Variants in GALNT14 observed in about 807,000 individuals in gnomAD.
The protein encoded by GALNT14 is UDP-GalNAc:polypeptide N-acetylgalactosaminyltransferase 14.
Under a neutral mutation model 77.5 loss-of-function variants are expected in GALNT14, and 60 were observed. The observed-to-expected ratio is 0.77, with a 90% CI of 0.63 to 0.96. The LOEUF is 0.96. Ranked by LOEUF, GALNT14 falls within the 40% of genes least tolerant of loss-of-function variation. The pLI, the probability that GALNT14 is intolerant of heterozygous loss-of-function variation, is 0.00. For synonymous variants in GALNT14, 280 were observed against 281.7 expected, an observed-to-expected ratio of 0.99 and a Z score of 0.06; for missense variants, 710 against 731.0, an observed-to-expected ratio of 0.97 and a Z score of 0.33.
At chr2:31,126,891 C>G (rs544807576) in intron 1 of GALNT14, 1 of 152,080 alleles carries the variant, frequency 6.6e-6, no homozygotes, top group African/African-American at 2.4e-5. Flanking sequence ...GGGAGTAAGA[C>G]GTGGGTAACT....
intron 2 of GALNT14, among the ~76,000 whole-genome samples, chr2:30,990,577 C>G (rs138602928): frequency 3.0e-4 from 46 of 152,348 alleles, no homozygotes; most frequent in Non-Finnish European, 4.6e-4. Context: ...AGGGTGACAC[C>G]AGTATGGTGA....
intron 1 of GALNT14, among the ~76,000 whole-genome samples, chr2:31,005,289 A>G (rs1261810679): frequency 6.6e-6 from 1 of 152,226 alleles, no homozygotes; most frequent in Non-Finnish European, 1.5e-5. Context: ...TGGGGAGTGG[A>G]GATGGGCTAA....
Position 30,955,729 on chromosome 2 carries a change from C to A in GALNT14, c.543G>T (p.Arg181=), listed in dbSNP as rs773106126. 3.3e-5 allele frequency: 53 copies of A among 1,613,980 alleles called. No individual in the cohort carries two copies. Among genetic ancestry groups the A allele is most frequent in the Non-Finnish European group, 4.3e-5 (51 of 1,180,018 alleles). ...LRNNERQGLV[R]SRIRGADIAQ... is the part of the protein sequence containing the mutation. ...CGATGTCAGCGCCCCGAATCCGGGA[C>A]CGGACCAGACCTGCAGTCAGGAACA... Residue 181 remains arginine (R), a synonymous_variant, in exon 6 of 15, where the codon CGG becomes CGT. Coordinates refer to ENST00000349752, the MANE Select transcript of GALNT14 (RefSeq NM_024572.4).
the GALNT14 span, among the ~76,000 whole-genome samples, chr2:30,904,998 G>T: frequency 1.9e-4 from 29 of 152,184 alleles, no homozygotes; most frequent in African/African-American, 5.8e-4. Context: ...GCAGCTGAGG[G>T]TCCTGTCTGT....
chr2:30,943,514 C>T (rs552159273), intron 8 of GALNT14, among the ~76,000 whole-genome samples: 1 of 152,262 alleles, frequency 6.6e-6, no homozygotes, highest in South Asian at 2.1e-4. Context: ...AACAAGTGCC[C>T]TCTGATGAGC....
At chr2:30,925,023 C>A (rs138595616) in intron 11 of GALNT14, among the ~76,000 whole-genome samples, 200 bp from the exon 12 acceptor site, 8 of 152,330 alleles carry the variant, frequency 5.3e-5, no homozygotes, top group Non-Finnish European at 1.0e-4. Context: ...AAACACTTAG[C>A]AATATCTCAC....
At chr2:30,987,710 TCCCCCTCCTC>T (rs1166943240) in intron 2 of GALNT14, among the ~76,000 whole-genome samples, 36 of 11,652 alleles carry the variant, frequency 3.1e-3, no homozygotes, top group African/African-American at 0.015. Flanking sequence ...TCCTCCTCCC[TCCCCCTCCTC>T]CCCCTCCTCC....
intron 1 of GALNT14, among the ~76,000 whole-genome samples, chr2:31,027,127 C>T (rs1024989982): frequency 3.9e-5 from 6 of 152,214 alleles, no homozygotes; most frequent in Admixed American, 3.3e-4. Flanking sequence ...CAGGCCCTTG[C>T]ATGAGTGTTA....
At chr2:31,086,160 C>T (rs550657542) in intron 1 of GALNT14, among the ~76,000 whole-genome samples, 1 of 152,340 alleles carries the variant, frequency 6.6e-6, no homozygotes, top group African/African-American at 2.4e-5. Flanking sequence ...GGCCATTAGG[C>T]CTTCACTACA....
chr2:31,091,631 C>T (rs1346145376), intron 1 of GALNT14, among the ~76,000 whole-genome samples: 2 of 152,172 alleles, frequency 1.3e-5, no homozygotes, highest in Non-Finnish European at 2.9e-5. Context: ...TATCACAGTT[C>T]TGGAACCTGA....
intron 1 of GALNT14, among the ~76,000 whole-genome samples, chr2:31,116,354 G>T (rs997031790): frequency 6.6e-5 from 10 of 151,930 alleles, no homozygotes; most frequent in Admixed American, 3.9e-4. Flanking sequence ...TTATCAGATT[G>T]TATTGAAAAA....
chr2:30,897,922 C>G, the GALNT14 span, among the ~76,000 whole-genome samples: 7 of 152,168 alleles, frequency 4.6e-5, no homozygotes, highest in African/African-American at 1.7e-4. Context: ...GACTCCATGC[C>G]CCAGGCAACC....
intron 1 of GALNT14, among the ~76,000 whole-genome samples, chr2:31,071,128 A>C (rs761884399): frequency 6.6e-6 from 1 of 152,220 alleles, no homozygotes; most frequent in Non-Finnish European, 1.5e-5. Context: ...AAGGGATAAA[A>C]GACTACAAAC....
At chr2:31,097,988 A>G (rs1677083949) in intron 1 of GALNT14, among the ~76,000 whole-genome samples, 3 of 152,108 alleles carry the variant, frequency 2.0e-5, no homozygotes, top group Non-Finnish European at 4.4e-5. Flanking sequence ...CACCTCCACC[A>G]TTTTGTGCCC....
At chr2:31,046,036 T>A (rs908160566) in intron 1 of GALNT14, among the ~76,000 whole-genome samples, 1 of 152,214 alleles carries the variant, frequency 6.6e-6, no homozygotes, top group Non-Finnish European at 1.5e-5. Context: ...GAACAAGTTA[T>A]GAGCAGCCAT....
intron 9 of GALNT14, among the ~76,000 whole-genome samples, chr2:30,933,382 G>C (rs1192064499): frequency 6.6e-6 from 1 of 152,138 alleles, no homozygotes; most frequent in Admixed American, 6.5e-5. Context: ...AGCAGGCTGG[G>C]TGTTCAGGGG....
At chr2:31,024,719 C>T (rs1285586936) in intron 1 of GALNT14, among the ~76,000 whole-genome samples, 5 of 152,192 alleles carry the variant, frequency 3.3e-5, no homozygotes, top group Non-Finnish European at 7.3e-5. Flanking sequence ...GACAGGAATT[C>T]CAGTGGGTAT....
intron 2 of GALNT14, among the ~76,000 whole-genome samples, chr2:30,986,203 G>A (rs904655812): frequency 2.6e-5 from 4 of 152,230 alleles, no homozygotes; most frequent in Non-Finnish European, 5.9e-5. Context: ...GGGAGAATAT[G>A]TGGAAGAAAA....
chr2:31,056,393 G>C (rs938439131), intron 1 of GALNT14, among the ~76,000 whole-genome samples: 1 of 152,192 alleles, frequency 6.6e-6, no homozygotes, highest in African/African-American at 2.4e-5. Flanking sequence ...AGTAAATCCA[G>C]ATGCAGAAAG....
Sources: allele counts gnomAD v4.1 joint callset (sites outside exome capture counted in the v4.1 genomes callset), GRCh38; gene constraint gnomAD v4.1.1; transcripts MANE v1.5; gene names NCBI Gene and HGNC (gene_info 2026-07-23, HGNC 2026-07-21).